Variants in ZNF91 observed in about 807,000 individuals in gnomAD.
ZNF91 encodes zinc finger protein 91, also known as zinc finger protein 91 (HPF7, HTF10).
In ZNF91, 7 loss-of-function variants were observed where a neutral mutation model predicts 12.6. The observed-to-expected ratio is 0.55, with a 90% CI of 0.31 to 1.04. The LOEUF is 1.04. ZNF91 is among the 50% of genes least tolerant of loss of function. The pLI is 0.05. For missense variants in ZNF91, 1,217 were observed against 1,385.4 expected (o/e 0.88, Z 1.93); for synonymous variants, 453 against 462.6 (o/e 0.98, Z 0.27).
At position 23,305,126 on chromosome 19, in the gene ZNF91, G is replaced by A. The variant is rs547121422; in HGVS notation, n.283C>T. On this transcript the variant is annotated non_coding_transcript_exon_variant, in exon 4 of 4. Coordinates refer to the ZNF91 transcript ENST00000593292. ...GAAAAGCCAAGGTCTGTAAATTGAA[G>A]ATAGACTGCAATATTGAAAGCAAAT... is the stretch of plus-strand genomic sequence containing the variant. 7.9e-5 allele frequency: 12 copies of A among 152,312 alleles called. No individual in the cohort carries two copies. The South Asian group carries it at 8.3e-4, about 11-fold the overall frequency. 9.4% of individuals were successfully genotyped at this position (152,312 alleles called of 1,614,324 possible). A position where few individuals can be genotyped will look rare whatever the true frequency, so the allele number is the denominator to read the frequency against.
intron 1 of ZNF91, among the ~76,000 whole-genome samples, chr19:23,390,258 G>C (rs555478715): frequency 1.2e-4 from 19 of 152,250 alleles, no homozygotes; most frequent in South Asian, 8.3e-4. Context: ...GGAGGTTGTG[G>C]TGAGCCGAGA....
In ZNF91 at chr19:23,390,671, G is replaced by A. The variant is rs569843418; in HGVS notation, c.30+4654C>T. On this transcript the variant is annotated intron_variant, in intron 1 of 3. Coordinates refer to ENST00000300619, the MANE Select transcript of ZNF91 (RefSeq NM_003430.4). ...TCGTGGTGGGCCAAGCAATACTCTTGTTCCTCAGCTGTCCAAGTAGCTCTG... is the reference window on the plus strand; with the variant it reads ...TCGTGGTGGGCCAAGCAATACTCTTATTCCTCAGCTGTCCAAGTAGCTCTG... Among the ~76,000 whole-genome samples, 7 of 151,732 alleles carry A rather than the reference G, an allele frequency of 4.6e-5. No individual in the cohort carries two copies. In the South Asian group the frequency reaches 1.3e-3, roughly 27 times the overall value.
In ZNF91 at chr19:23,362,590, T is replaced by C. The variant is rs1448719789; in HGVS notation, c.389A>G (p.Asp130Gly). ...ACCTTCTTTGTGCACCTTACACTCA[T>C]CCACACTTTTACAACCTTTTCTTAA... is the stretch of plus-strand genomic sequence containing the variant. ...LQLRKGCKSV[D>G]ECKVHKEGYN... Residue 130 changes from aspartate to glycine, a missense_variant, in exon 4 of 4, where the codon GAT (aspartate) becomes GGT (glycine). Physicochemically the swap from Asp to Gly is moderately conservative, Grantham distance 94. Transcript: ENST00000300619. The C allele has an allele frequency of 6.2e-7, 1 of 1,601,714 alleles. No homozygotes were observed.
intron 1 of ZNF91, among the ~76,000 whole-genome samples, chr19:23,322,146 C>T (rs1967709491): frequency 6.6e-6 from 1 of 152,308 alleles, no homozygotes; most frequent in South Asian, 2.1e-4. Context: ...ATATAGCTGG[C>T]TGTAGCCCCT....
chr19:23,330,045 G>A (rs561731035), intron 1 of ZNF91, among the ~76,000 whole-genome samples: 1 of 152,242 alleles, frequency 6.6e-6, no homozygotes, highest in Admixed American at 6.5e-5. Context: ...AGTTTTACTG[G>A]GACTCGCGGC....
intron 1 of ZNF91, among the ~76,000 whole-genome samples, chr19:23,332,685 C>T (rs1967946695): frequency 6.6e-6 from 1 of 152,154 alleles, no homozygotes; most frequent in South Asian, 2.1e-4. Context: ...TCACAGCTTA[C>T]CTAGTCAACA....
At chr19:23,377,920 T>C (rs1969561700) in intron 1 of ZNF91, among the ~76,000 whole-genome samples, 1 of 151,968 alleles carries the variant, frequency 6.6e-6, no homozygotes, top group Non-Finnish European at 1.5e-5. Flanking sequence ...GGATTTAGAA[T>C]AAGGATCCAG....
chr19:23,335,019 A>G (rs113325160), downstream of ZNF91, among the ~76,000 whole-genome samples: 97 of 152,304 alleles, frequency 6.4e-4, no homozygotes, highest in African/African-American at 2.2e-3. Flanking sequence ...TCTAGGGTAC[A>G]TGTGCATAGC....
At chr19:23,383,565 G>A (rs1018749000) in intron 1 of ZNF91, among the ~76,000 whole-genome samples, 2 of 151,990 alleles carry the variant, frequency 1.3e-5, no homozygotes, top group African/African-American at 2.4e-5. Flanking sequence ...GCGGGTGCCT[G>A]TAATCCCAGC....
At chr19:23,376,734 G>GA (rs1969517656) in intron 1 of ZNF91, among the ~76,000 whole-genome samples, 1 of 152,038 alleles carries the variant, frequency 6.6e-6, no homozygotes, top group Non-Finnish European at 1.5e-5. Context: ...TCATTAGGGA[G>GA]AAAAAATACA....
chr19:23,378,627 A>G (rs766106057), intron 1 of ZNF91, among the ~76,000 whole-genome samples: 5 of 152,216 alleles, frequency 3.3e-5, no homozygotes, highest in Non-Finnish European at 5.9e-5. Flanking sequence ...TTAGCAGGGC[A>G]TAAAAAATAC....
At chr19:23,322,741 C>A (rs998239855) in intron 1 of ZNF91, among the ~76,000 whole-genome samples, 1 of 146,630 alleles carries the variant, frequency 6.8e-6, no homozygotes, top group Admixed American at 6.8e-5. Flanking sequence ...CTTCTTCCTC[C>A]CCATTCATGT....
Position 23,359,081 on chromosome 19 carries a change from AC to A in ZNF91, c.*321del. The A allele has an allele frequency of 1.8e-6, 1 of 558,926 alleles. No homozygotes were observed. Among genetic ancestry groups the A allele is most frequent in the Non-Finnish European group, 3.4e-6 (1 of 291,910 alleles). The allele number at this position is 558,926 out of a possible 1,614,324, so 34.6% of individuals were successfully genotyped here. Reference sequence around the variant, plus strand: ...TTCTTATGTCTGGTTAGGGCTGAGGACCAGAAAAAGGATTTGCCACATTCTT... The same window carrying A: ...TTCTTATGTCTGGTTAGGGCTGAGGACAGAAAAAGGATTTGCCACATTCTT... On this transcript the variant is annotated 3_prime_UTR_variant, in exon 4 of 4. Transcript: ENST00000300619.
At position 23,374,645 on chromosome 19, in the gene ZNF91, G is replaced by T; in HGVS notation, c.150C>A (p.Ala50=). Residue 50 remains alanine (A), a synonymous_variant, in exon 2 of 4, where the codon GCC becomes GCA. Transcript: ENST00000300619. ...TATTAAAGTTTTCCTTACCCAGGAAGGCCAGGTTTCTGTAGTTCTCTAACA... is the reference window on the plus strand; with the variant it reads ...TATTAAAGTTTTCCTTACCCAGGAATGCCAGGTTTCTGTAGTTCTCTAACA... ...NVMLENYRNL[A]FLGIALSKPD... The T allele has an allele frequency of 1.2e-6, 2 of 1,610,724 alleles. No homozygotes were observed. Among genetic ancestry groups the T allele is most frequent in the Middle Eastern group, 1.7e-4 (1 of 6,032 alleles).
intron 3 of ZNF91, among the ~76,000 whole-genome samples, chr19:23,306,445 A>G (rs768606098): frequency 3.9e-5 from 6 of 152,170 alleles, no homozygotes; most frequent in Non-Finnish European, 8.8e-5. Flanking sequence ...AGCGCTGCTC[A>G]CAGGGGAATT....
chr19:23,391,984 C>G (rs12611297), intron 1 of ZNF91, among the ~76,000 whole-genome samples: 1 of 151,996 alleles, frequency 6.6e-6, no homozygotes, highest in Non-Finnish European at 1.5e-5. Flanking sequence ...AGTGTTCATA[C>G]AAGGGAAGAA....
chr19:23,378,924 C>G (rs1969602959), intron 1 of ZNF91, among the ~76,000 whole-genome samples: 1 of 152,142 alleles, frequency 6.6e-6, no homozygotes. Flanking sequence ...ATTTTTCACT[C>G]AAGTACCAGG....
At chr19:23,386,180 C>T (rs757231022) in intron 1 of ZNF91, among the ~76,000 whole-genome samples, 12 of 151,856 alleles carry the variant, frequency 7.9e-5, no homozygotes, top group Non-Finnish European at 1.6e-4. Flanking sequence ...AAATGGAAAA[C>T]AACTTTATGC....
chr19:23,348,195 T>C (rs1968276862), intron 3 of ZNF91, among the ~76,000 whole-genome samples: 1 of 152,052 alleles, frequency 6.6e-6, no homozygotes, highest in South Asian at 2.1e-4. Flanking sequence ...GACAAAAAAA[T>C]CTCCCTTTTT....
Sources: allele counts gnomAD v4.1 joint callset (sites outside exome capture counted in the v4.1 genomes callset), GRCh38; gene constraint gnomAD v4.1.1; transcripts MANE v1.5; gene names NCBI Gene and HGNC (gene_info 2026-07-23, HGNC 2026-07-21).